EVL: variants seen among roughly 807,000 people sequenced by gnomAD.
EVL encodes ena/VASP-like protein.
In EVL, 21 loss-of-function variants were observed where a neutral mutation model predicts 59.6. That is an observed-to-expected ratio of 0.35 (90% CI 0.25 to 0.51). EVL has a LOEUF of 0.51. Among genes scored for constraint, EVL ranks in the 20% least tolerant of loss-of-function variants. The pLI, the probability that EVL is intolerant of heterozygous loss-of-function variation, is 0.97. For missense variants in EVL, 462 were observed against 546.6 expected (o/e 0.85, Z 1.54); for synonymous variants, 198 against 203.5 (o/e 0.97, Z 0.23).
At chr14:99,982,723 A>G (rs1202211409) in intron 1 of EVL, among the ~76,000 whole-genome samples, 6 of 152,108 alleles carry the variant, frequency 3.9e-5, no homozygotes, top group East Asian at 1.9e-4. Context: ...AAAGACATCT[A>G]CTCTTCAGTT....
chr14:100,074,337 T>C (rs956576414), intron 1 of EVL, among the ~76,000 whole-genome samples: 1 of 152,196 alleles, frequency 6.6e-6, no homozygotes, highest in African/African-American at 2.4e-5. Flanking sequence ...TCTTGCCTCA[T>C]ATGGATTTGC....
rs768934680 is a variant in EVL at position 100,129,607 on chromosome 14, G to A, written c.762G>A (p.Lys254=). The A allele has an allele frequency of 3.7e-6, 6 of 1,613,546 alleles. No individual in the cohort carries two copies. In the African/African-American group the frequency reaches 8.0e-5, roughly 22 times the overall value. The change falls in exon 7 of 14, where the codon AAG becomes AAA. Residue 254 remains lysine, a synonymous_variant. Transcript: ENST00000392920. ...GCTCCAGTCCCAGTGGGACCTCAAA[G>A]TCCGATGCCAACCGGGCAAGCAGCG... ...SGGSSPSGTS[K]SDANRASSGG... is the part of the protein sequence containing the mutation.
At chr14:100,033,073 A>G (rs1034925708) in intron 1 of EVL, among the ~76,000 whole-genome samples, 8 of 152,142 alleles carry the variant, frequency 5.3e-5, no homozygotes, top group African/African-American at 1.9e-4. Flanking sequence ...TTTTGATGGA[A>G]GTGCTGAATC....
chr14:100,060,064 T>C (rs905669899), intron 1 of EVL, among the ~76,000 whole-genome samples: 8 of 152,146 alleles, frequency 5.3e-5, no homozygotes, highest in African/African-American at 1.9e-4. Context: ...AATAAATATG[T>C]TCACAGACTT....
At chr14:100,125,998 G>A (rs1888048454) in intron 4 of EVL, among the ~76,000 whole-genome samples, 1 of 152,158 alleles carries the variant, frequency 6.6e-6, no homozygotes, top group Admixed American at 6.5e-5. Flanking sequence ...TGCACCACAC[G>A]AGCTGAGCTC....
intron 1 of EVL, chr14:100,019,745 T>C (rs1403558872): frequency 2.7e-6 from 4 of 1,499,950 alleles, no homozygotes; most frequent in Admixed American, 2.1e-5. Flanking sequence ...CGCTAGGTTT[T>C]TGCTGTGTAA....
chr14:100,128,068 A>T (rs1595233258), intron 5 of EVL, among the ~76,000 whole-genome samples: 1 of 152,102 alleles, frequency 6.6e-6, no homozygotes, highest in South Asian at 2.1e-4. Context: ...CGGCCCTGGG[A>T]CCCACAGGAC....
In EVL at chr14:100,135,916, T is replaced by C. The variant is rs372433101; in HGVS notation, c.912T>C (p.Ser304=). 40 of 1,613,854 alleles carry C rather than the reference T, an allele frequency of 2.5e-5. No individual in the cohort carries two copies. The highest frequency in any genetic ancestry group is 3.2e-5 in the Non-Finnish European group (38 of 1,179,998). The part of the protein sequence containing the change: ...KEDESQMEDP[S]TSPSPGTRAA... ...CTTCTCCATTTTAGGAAGATCCTAG[T>C]ACCTCCCCCTCTCCGGGGACCCGAG... The change falls in exon 9 of 14, where the codon AGT becomes AGC. Residue 304 remains serine, a synonymous_variant. Transcript: ENST00000392920.
intron 2 of EVL, 91 bp from the exon 3 acceptor site, chr14:100,097,390 A>G (rs1885890326): frequency 8.6e-7 from 1 of 1,167,036 alleles, no homozygotes; most frequent in Non-Finnish European, 1.2e-6. Context: ...CTGTCCTCTC[A>G]AGGATACAGT....
intron 3 of EVL, chr14:100,097,892 A>T: frequency 2.4e-6 from 1 of 410,206 alleles, no homozygotes. Flanking sequence ...ATTTGTACAG[A>T]TGTGTCCCTG....
chr14:100,070,843 G>A (rs2062034440), intron 1 of EVL, among the ~76,000 whole-genome samples: 1 of 152,166 alleles, frequency 6.6e-6, no homozygotes, highest in South Asian at 2.1e-4. Flanking sequence ...CACAGACTCT[G>A]GGGACACAAA....
rs533094919 is a variant in EVL, at chr14:100,029,392, A to G, written c.6-55295A>G. ...GGGCCCTTTTGATACTAGGATAACC[A>G]TTCATTGAACAAATACTTCCAGAAC... On this transcript the variant is annotated intron_variant, in intron 1 of 13. Coordinates refer to the EVL transcript ENST00000402714. Among the ~76,000 whole-genome samples, 3 of 152,326 alleles carry G rather than the reference A, an allele frequency of 2.0e-5. No individual in the cohort carries two copies. The East Asian group carries it at 5.8e-4, about 29-fold the overall frequency.
intron 2 of EVL, among the ~76,000 whole-genome samples, chr14:100,091,645 C>T (rs1012895063): frequency 1.3e-5 from 2 of 152,148 alleles, no homozygotes; most frequent in Non-Finnish European, 2.9e-5. Context: ...TTCTTATGCC[C>T]TTTATTAAGA....
chr14:100,106,963 G>A (rs967852092), intron 3 of EVL: 1 of 398,574 alleles, frequency 2.5e-6, no homozygotes, highest in African/African-American at 2.1e-5. Context: ...GGTGGGAGCA[G>A]CTTGGTCTAG....
At chr14:100,141,377 G>A in intron 12 of EVL, 131 bp downstream of exon 12, 2 of 929,320 alleles carry the variant, frequency 2.2e-6, no homozygotes, top group Non-Finnish European at 3.2e-6. Flanking sequence ...TCAGGGAGCA[G>A]CCACGGCAGA....
At chr14:100,115,844 A>G (rs1444390110) in intron 3 of EVL, among the ~76,000 whole-genome samples, 1 of 152,242 alleles carries the variant, frequency 6.6e-6, no homozygotes, top group African/African-American at 2.4e-5. Context: ...GAGGGTGACA[A>G]TCAGGTATTT....
intron 3 of EVL, among the ~76,000 whole-genome samples, chr14:100,120,316 CAGT>C (rs1887615118): frequency 6.6e-6 from 1 of 152,178 alleles, no homozygotes; most frequent in South Asian, 2.1e-4. Context: ...TGACTTAGTT[CAGT>C]GGAATATGAA....
At chr14:99,978,641 A>G (rs2060786253) in intron 1 of EVL, among the ~76,000 whole-genome samples, 1 of 152,148 alleles carries the variant, frequency 6.6e-6, no homozygotes, top group African/African-American at 2.4e-5. Flanking sequence ...ATCCAGGGGG[A>G]CTTTTCATTA....
At chr14:99,987,173 T>C (rs1406352802) in intron 1 of EVL, among the ~76,000 whole-genome samples, 1 of 152,232 alleles carries the variant, frequency 6.6e-6, no homozygotes, top group African/African-American at 2.4e-5. Flanking sequence ...GATTTATATC[T>C]AGAATATATA....
Sources: gnomAD v4.1 joint callset for allele counts (sites outside exome capture counted in the v4.1 genomes callset) on GRCh38, gnomAD v4.1.1 for gene constraint, MANE v1.5 for transcripts, NCBI Gene and HGNC (gene_info 2026-07-23, HGNC 2026-07-21) for gene names.